Variants in WWOX observed in about 807,000 individuals in gnomAD.
The protein encoded by WWOX is WW domain containing oxidoreductase.
A neutral mutation model predicts 46.2 loss-of-function variants in WWOX; 69 were observed. That is an observed-to-expected ratio of 1.49 (90% CI 1.23 to 1.82). The LOEUF is 1.82. Among genes scored for constraint, WWOX ranks in the 40% most tolerant of loss-of-function variants. WWOX has a pLI of 0.00. For synonymous variants in WWOX, 359 were observed against 202.6 expected, an observed-to-expected ratio of 1.77 and a Z score of -6.56; for missense variants, 919 against 542.6, an observed-to-expected ratio of 1.69 and a Z score of -6.89.
At chr16:78,533,799 C>G (rs2043690215) in intron 8 of WWOX, among the ~76,000 whole-genome samples, 1 of 152,160 alleles carries the variant, frequency 6.6e-6, no homozygotes, top group Middle Eastern at 3.2e-3. Flanking sequence ...AATGCGTCCT[C>G]AGAACTCGCT....
intron 8 of WWOX, among the ~76,000 whole-genome samples, chr16:78,914,193 C>T (rs1156552703): frequency 6.6e-6 from 1 of 152,028 alleles, no homozygotes; most frequent in African/African-American, 2.4e-5. Context: ...ATTTCTCTGT[C>T]TAGCACTTAT....
chr16:79,085,689 C>T (rs2048841671), intron 8 of WWOX, among the ~76,000 whole-genome samples: 1 of 152,090 alleles, frequency 6.6e-6, no homozygotes, highest in South Asian at 2.1e-4. Flanking sequence ...AAAATGCATA[C>T]ATTTTATTCC....
intron 8 of WWOX, among the ~76,000 whole-genome samples, chr16:78,583,709 C>A (rs761899028): frequency 6.6e-6 from 1 of 152,234 alleles, no homozygotes; most frequent in East Asian, 1.9e-4. Flanking sequence ...GAACCCGTGC[C>A]CTGATGTGGA....
intron 8 of WWOX, among the ~76,000 whole-genome samples, chr16:78,911,727 G>A (rs568899989): frequency 2.0e-5 from 3 of 151,970 alleles, no homozygotes; most frequent in African/African-American, 4.8e-5. Context: ...TTAGCCAGAC[G>A]TGATGGTGCG....
intron 5 of WWOX, among the ~76,000 whole-genome samples, chr16:78,333,293 C>T (rs943599570): frequency 1.1e-4 from 15 of 133,768 alleles, no homozygotes; most frequent in Non-Finnish European, 1.7e-4. Flanking sequence ...AGGTGATCCG[C>T]CTGCCTTGGC....
At chr16:78,766,870 G>A (rs1358530118) in intron 8 of WWOX, among the ~76,000 whole-genome samples, 3 of 152,012 alleles carry the variant, frequency 2.0e-5, no homozygotes, top group Non-Finnish European at 4.4e-5. Flanking sequence ...ACAATGTTGT[G>A]TAACCATCAG....
chr16:78,737,118 G>A (rs1008968206), intron 8 of WWOX, among the ~76,000 whole-genome samples: 5 of 151,560 alleles, frequency 3.3e-5, no homozygotes, highest in Non-Finnish European at 7.4e-5. Context: ...TCATTTATTT[G>A]AGATGGAGTC....
At chr16:78,594,019 T>A (rs1295243624) in intron 8 of WWOX, among the ~76,000 whole-genome samples, 2 of 152,168 alleles carry the variant, frequency 1.3e-5, no homozygotes, top group Non-Finnish European at 2.9e-5. Context: ...TTTCGTCTCC[T>A]GTCAATTGGG....
chr16:78,275,806 A>T (rs2079565705), intron 5 of WWOX, among the ~76,000 whole-genome samples: 1 of 152,160 alleles, frequency 6.6e-6, no homozygotes, highest in Admixed American at 6.5e-5. Flanking sequence ...GTAAAGGGCA[A>T]ACCAGTTTGG....
intron 8 of WWOX, among the ~76,000 whole-genome samples, chr16:78,634,078 A>C (rs1375999005): frequency 6.6e-6 from 1 of 152,152 alleles, no homozygotes. Flanking sequence ...TCTTGAACCC[A>C]GAGAAGGTGC....
chr16:78,427,522 T>A (rs1379181896), intron 7 of WWOX, among the ~76,000 whole-genome samples: 2 of 151,086 alleles, frequency 1.3e-5, no homozygotes, highest in South Asian at 4.2e-4. Context: ...ACACACAAAA[T>A]CACACATACA....
In WWOX at chr16:79,089,649, A is replaced by C. The variant is rs531858011; in HGVS notation, c.1057-121959A>C. On this transcript the variant is annotated intron_variant, in intron 8 of 8. Transcript: ENST00000566780. The stretch of plus-strand genomic sequence containing the variant: ...CCTGCTAAGGTGGCAATCTTTATAC[A>C]TAAAAAACAGGAATGACTTCTTCGA... Among the ~76,000 whole-genome samples the C allele has an allele frequency of 3.3e-5, 5 of 152,292 alleles. No individual in the cohort carries two copies. The East Asian group carries it at 7.7e-4, about 24-fold the overall frequency.
chr16:79,108,727 C>T (rs533282901), intron 8 of WWOX, among the ~76,000 whole-genome samples: 47 of 152,130 alleles, frequency 3.1e-4, no homozygotes, highest in Admixed American at 8.5e-4. Context: ...CACAGTGAGA[C>T]CCCACCTCTA....
intron 8 of WWOX, among the ~76,000 whole-genome samples, chr16:78,441,903 T>G (rs939142576): frequency 6.6e-6 from 1 of 151,874 alleles, no homozygotes; most frequent in Non-Finnish European, 1.5e-5. Flanking sequence ...ATTATTAACA[T>G]TATTTTCCCC....
chr16:78,523,992 A>G (rs186538215), intron 8 of WWOX, among the ~76,000 whole-genome samples: 2 of 152,366 alleles, frequency 1.3e-5, no homozygotes, highest in African/African-American at 2.4e-5. Context: ...ATACAAATAC[A>G]CAATTCACTT....
intron 8 of WWOX, among the ~76,000 whole-genome samples, chr16:78,614,970 A>G (rs1193558760): frequency 4.6e-5 from 7 of 152,116 alleles, no homozygotes; most frequent in Non-Finnish European, 2.9e-5. Context: ...TACATGTTTA[A>G]TCACGTTTTG....
At chr16:78,405,708 G>A (rs773165909) in intron 6 of WWOX, among the ~76,000 whole-genome samples, 4 of 152,122 alleles carry the variant, frequency 2.6e-5, no homozygotes, top group Non-Finnish European at 4.4e-5. Context: ...TCCTCTTTTA[G>A]GCACCATCTC....
intron 5 of WWOX, among the ~76,000 whole-genome samples, chr16:78,221,732 G>A (rs990692547): frequency 1.3e-5 from 2 of 152,164 alleles, no homozygotes; most frequent in Admixed American, 6.5e-5. Flanking sequence ...GCCTTGGAGT[G>A]ATGTGTGATT....
chr16:78,890,247 A>G (rs2044559846), intron 8 of WWOX: 1 of 151,822 alleles, frequency 6.6e-6, no homozygotes, highest in Non-Finnish European at 1.5e-5. Context: ...GAAGTTCTGA[A>G]AATAAATAAA....
Sources: gnomAD v4.1 joint callset for allele counts (sites outside exome capture counted in the v4.1 genomes callset) on GRCh38, gnomAD v4.1.1 for gene constraint, MANE v1.5 for transcripts, NCBI Gene and HGNC (gene_info 2026-07-23, HGNC 2026-07-21) for gene names.